Variants in NIBAN1 observed in about 807,000 individuals in gnomAD.
NIBAN1 encodes the protein niban apoptosis regulator 1.
In NIBAN1, 81 loss-of-function variants were observed where a neutral mutation model predicts 75.1. The observed-to-expected ratio is 1.08, with a 90% CI of 0.90 to 1.30. The LOEUF (loss-of-function observed/expected upper bound fraction) is 1.30, where lower values mean the gene tolerates loss of function less well. Among genes scored for constraint, NIBAN1 ranks in the 50% most tolerant of loss-of-function variants. NIBAN1 has a pLI of 0.00. For synonymous variants in NIBAN1, 436 were observed against 424.8 expected (o/e 1.03, Z -0.32); for missense variants, 1,133 against 1,128.1 (o/e 1.00, Z -0.06).
intron 5 of NIBAN1, among the ~76,000 whole-genome samples, chr1:184,837,821 C>CA (rs1338041740): frequency 2.2e-4 from 33 of 152,160 alleles, no homozygotes; most frequent in Non-Finnish European, 5.9e-5. Flanking sequence ...ACTCTTCTTC[C>CA]ATATGGTAAC....
chr1:184,856,691 C>A (rs191038639), intron 5 of NIBAN1, among the ~76,000 whole-genome samples: 1 of 152,244 alleles, frequency 6.6e-6, no homozygotes, highest in African/African-American at 2.4e-5. Flanking sequence ...TATAAGGGAA[C>A]AAGATTTGGT....
intron 11 of NIBAN1, among the ~76,000 whole-genome samples, chr1:184,805,313 A>G (rs1173009091): frequency 6.6e-6 from 1 of 152,248 alleles, no homozygotes; most frequent in African/African-American, 2.4e-5. Flanking sequence ...TGTTGAGCTT[A>G]ATTAAGTCAC....
chr1:184,968,075 G>C (rs375917382), intron 1 of NIBAN1, among the ~76,000 whole-genome samples: 6,271 of 53,870 alleles, frequency 0.12, 2,632 homozygotes, highest in African/African-American at 0.33. Context: ...CGGTGGCGGG[G>C]GCCTGTAGTC....
chr1:184,939,351 A>C (rs1253313227), intron 1 of NIBAN1, among the ~76,000 whole-genome samples: 3 of 152,146 alleles, frequency 2.0e-5, no homozygotes, highest in Non-Finnish European at 4.4e-5. Context: ...ATAAACCAAA[A>C]AGCAGAAAGT....
chr1:184,953,452 G>A (rs1012370454), intron 1 of NIBAN1, among the ~76,000 whole-genome samples: 5 of 152,260 alleles, frequency 3.3e-5, no homozygotes, highest in African/African-American at 9.6e-5. Context: ...TTTTGAAAGC[G>A]TCTTTTACAT....
Position 184,946,998 on chromosome 1 carries a change from A to G in NIBAN1, c.55+27304T>C, listed in dbSNP as rs1246926976. On this transcript the variant is annotated intron_variant, in intron 1 of 13. Transcript: ENST00000367511. Reference sequence around the variant, plus strand: ...TGAGGCAAGAGAATCTCTTGAACCCAGGAGGTAGAGGTTGTGGTGAGCCAA... The same window carrying G: ...TGAGGCAAGAGAATCTCTTGAACCCGGGAGGTAGAGGTTGTGGTGAGCCAA... Among the ~76,000 whole-genome samples, 5 of 151,904 alleles carry G rather than the reference A, an allele frequency of 3.3e-5. No individual in the cohort carries two copies. In the East Asian group the frequency reaches 7.7e-4, roughly 24 times the overall value.
rs758467432 is a variant in NIBAN1 at position 184,808,214 on chromosome 1, G to C, written c.1195C>G (p.Leu399Val). The C allele has an allele frequency of 1.2e-6, 2 of 1,614,100 alleles. No homozygotes were observed. The highest frequency in any genetic ancestry group is 1.7e-6 in the Non-Finnish European group (2 of 1,179,978). ...LKEHLDRLMN[L>V]PLHSVKMEPC... ...TCCATCTTCACGGAATGCAGCGGAAGATTCATAAGCCGGTCTAGATGCTGC... is the reference window on the plus strand; with the variant it reads ...TCCATCTTCACGGAATGCAGCGGAACATTCATAAGCCGGTCTAGATGCTGC... The change falls in exon 10 of 14, where the codon CTT becomes GTT. Residue 399 changes from leucine to valine, a missense_variant. By Grantham distance (32) the Leu-to-Val change is conservative (BLOSUM62 1). Coordinates refer to ENST00000367511, the MANE Select transcript of NIBAN1 (RefSeq NM_052966.4).
intron 1 of NIBAN1, among the ~76,000 whole-genome samples, chr1:184,950,273 C>T (rs1235750937): frequency 2.6e-5 from 4 of 152,116 alleles, no homozygotes; most frequent in Admixed American, 1.3e-4. Flanking sequence ...AGAAGGTGCA[C>T]GACTTTTTTC....
At chr1:184,837,586 C>A (rs1054621792) in intron 5 of NIBAN1, among the ~76,000 whole-genome samples, 11 of 152,090 alleles carry the variant, frequency 7.2e-5, no homozygotes, top group South Asian at 2.1e-4. Flanking sequence ...GGTCACCTAC[C>A]CCAAGCTCTC....
chr1:184,868,911 G>A (rs986774968), intron 5 of NIBAN1, among the ~76,000 whole-genome samples: 10 of 151,972 alleles, frequency 6.6e-5, no homozygotes, highest in Non-Finnish European at 1.2e-4. Flanking sequence ...CAGAACCCTC[G>A]TCTATAAAAT....
At chr1:184,955,074 CA>C (rs1183626089) in intron 1 of NIBAN1, among the ~76,000 whole-genome samples, 1 of 152,132 alleles carries the variant, frequency 6.6e-6, no homozygotes, top group Non-Finnish European at 1.5e-5. Flanking sequence ...ATCATAGGGC[CA>C]AAATTGTATT....
intron 1 of NIBAN1, among the ~76,000 whole-genome samples, chr1:184,924,331 T>C (rs1657632453): frequency 1.3e-5 from 2 of 152,234 alleles, no homozygotes; most frequent in African/African-American, 4.8e-5. Flanking sequence ...ATTCTGTTGA[T>C]ATGATGTATC....
chr1:184,973,734 C>G (rs1658995275), intron 1 of NIBAN1, among the ~76,000 whole-genome samples: 1 of 152,232 alleles, frequency 6.6e-6, no homozygotes, highest in African/African-American at 2.4e-5. Flanking sequence ...TTTGCTTCGC[C>G]CCTCTCCGGG....
chr1:184,831,989 G>A, intron 5 of NIBAN1, 27 bp from the exon 6 acceptor site: 2 of 1,555,840 alleles, frequency 1.3e-6, no homozygotes, highest in Non-Finnish European at 1.8e-6. Flanking sequence ...AGGGCATTCA[G>A]CAAGATAAAA....
At chr1:184,957,226 C>T (rs1229354058) in intron 1 of NIBAN1, among the ~76,000 whole-genome samples, 4 of 152,208 alleles carry the variant, frequency 2.6e-5, no homozygotes, top group African/African-American at 7.2e-5. Flanking sequence ...ACAACCATTC[C>T]GAGAAGGGTG....
intron 1 of NIBAN1, among the ~76,000 whole-genome samples, chr1:184,952,004 G>A (rs185035886): frequency 2.4e-4 from 36 of 152,194 alleles, no homozygotes; most frequent in African/African-American, 8.7e-4. Flanking sequence ...AGTCCCATGA[G>A]AGCAGGGATT....
intron 1 of NIBAN1, among the ~76,000 whole-genome samples, chr1:184,913,287 A>T (rs1460353858): frequency 6.6e-6 from 1 of 151,918 alleles, no homozygotes; most frequent in African/African-American, 2.4e-5. Context: ...CTCCATAGGA[A>T]TTATACCGTT....
At chr1:184,879,029 T>A (rs566141667) in intron 5 of NIBAN1, among the ~76,000 whole-genome samples, 1 of 152,156 alleles carries the variant, frequency 6.6e-6, no homozygotes, top group African/African-American at 2.4e-5. Context: ...GTACTAACTA[T>A]GTGAGGCAAA....
chr1:184,925,969 C>T (rs1331134447), intron 1 of NIBAN1, among the ~76,000 whole-genome samples: 1 of 152,164 alleles, frequency 6.6e-6, no homozygotes, highest in African/African-American at 2.4e-5. Context: ...CATTAACGCC[C>T]TTTACTTTCA....
Sources: allele counts gnomAD v4.1 joint callset (sites outside exome capture counted in the v4.1 genomes callset), GRCh38; gene constraint gnomAD v4.1.1; transcripts MANE v1.5; gene names NCBI Gene and HGNC (gene_info 2026-07-23, HGNC 2026-07-21).